The following CCSER1 variants were observed in gnomAD, a reference collection of about 807,000 sequenced individuals.
CCSER1 encodes the protein serine-rich coiled-coil domain-containing protein 1.
In CCSER1, 41 loss-of-function variants were observed where a neutral mutation model predicts 82.0. That is an observed-to-expected ratio of 0.50 (90% CI 0.39 to 0.65). CCSER1 has a LOEUF of 0.65. Among genes scored for constraint, CCSER1 ranks in the 30% least tolerant of loss-of-function variants. The probability of loss-of-function intolerance (pLI) is 0.00; values close to 1 mark genes in which losing one functional copy is unlikely to be tolerated. For missense variants in CCSER1, 1,119 were observed against 1,064.2 expected (o/e 1.05, Z -0.72); for synonymous variants, 414 against 383.9 (o/e 1.08, Z -0.92).
At chr4:90,297,611 T>A (rs1333027706) in intron 1 of CCSER1, among the ~76,000 whole-genome samples, 1 of 150,296 alleles carries the variant, frequency 6.7e-6, no homozygotes, top group African/African-American at 2.5e-5. Flanking sequence ...GCCCATTCAG[T>A]ATGATATTGG....
chr4:91,255,843 A>C (rs920516495), intron 10 of CCSER1, among the ~76,000 whole-genome samples: 3 of 152,172 alleles, frequency 2.0e-5, no homozygotes. Flanking sequence ...TATCTTCATA[A>C]ACTGAGGATG....
chr4:91,235,835 A>ATAT (rs1394601812), intron 10 of CCSER1, among the ~76,000 whole-genome samples: 1 of 152,210 alleles, frequency 6.6e-6, no homozygotes, highest in East Asian at 1.9e-4. Flanking sequence ...ATGATCAGAA[A>ATAT]TATTAGAAAA....
intron 6 of CCSER1, among the ~76,000 whole-genome samples, chr4:90,707,926 G>T (rs2149311037): frequency 6.6e-6 from 1 of 152,244 alleles, no homozygotes; most frequent in Admixed American, 6.5e-5. Context: ...TTTACAAGCT[G>T]CCAATATTAT....
At chr4:90,904,203 A>T (rs1725100925) in intron 8 of CCSER1, among the ~76,000 whole-genome samples, 1 of 152,138 alleles carries the variant, frequency 6.6e-6, no homozygotes, top group South Asian at 2.1e-4. Flanking sequence ...AATTTATCAA[A>T]AGACCATGGG....
At chr4:91,166,439 C>G (rs905964124) in intron 10 of CCSER1, among the ~76,000 whole-genome samples, 15 of 152,064 alleles carry the variant, frequency 9.9e-5, no homozygotes, top group Non-Finnish European at 1.9e-4. Flanking sequence ...TTGCTCTAAT[C>G]AAGAAGATAG....
At chr4:91,045,972 C>G (rs13107749) in intron 9 of CCSER1, among the ~76,000 whole-genome samples, 61,209 of 116,662 alleles carry the variant, frequency 0.52, 12,799 homozygotes, top group East Asian at 0.71. Context: ...GTTCTCTGGC[C>G]GGCAGGGGCA....
At chr4:91,362,215 T>C (rs1331463407) in intron 10 of CCSER1, among the ~76,000 whole-genome samples, 1 of 151,864 alleles carries the variant, frequency 6.6e-6, no homozygotes, top group Non-Finnish European at 1.5e-5. Context: ...TGTAGTTGTT[T>C]TCCAGAAACA....
intron 4 of CCSER1, among the ~76,000 whole-genome samples, chr4:90,431,800 C>T (rs746491184): frequency 3.3e-5 from 5 of 152,006 alleles, no homozygotes; most frequent in Non-Finnish European, 7.4e-5. Flanking sequence ...TTTAATAAAT[C>T]GGTAGTGAAT....
Position 91,090,901 on chromosome 4 carries a change from C to T in CCSER1, c.2217+4907C>T, listed in dbSNP as rs558851283. Among the ~76,000 whole-genome samples the T allele has an allele frequency of 3.9e-5, 6 of 152,246 alleles. No homozygotes were observed. The East Asian group carries it at 1.2e-3, about 29-fold the overall frequency. On this transcript the variant is annotated intron_variant, in intron 10 of 10. Transcript: ENST00000509176. ...TCAATGCCTGGAGATACGTACTCTC[C>T]TTTTCTCCATTTTGGGTCCAAGGGG...
chr4:90,308,108 A>G, intron 1 of CCSER1, 136 bp from the exon 2 acceptor site: 2 of 576,582 alleles, frequency 3.5e-6, no homozygotes, highest in Non-Finnish European at 5.5e-6. Flanking sequence ...TTTATTAGGT[A>G]TCAGATTTTT....
At chr4:91,040,543 G>A (rs181000189) in intron 9 of CCSER1, among the ~76,000 whole-genome samples, 1 of 152,124 alleles carries the variant, frequency 6.6e-6, no homozygotes, top group Non-Finnish European at 1.5e-5. Context: ...GAAGGAAAAG[G>A]CATCCTATGT....
intron 1 of CCSER1, among the ~76,000 whole-genome samples, chr4:90,291,713 TA>T (rs140507280): frequency 1.3e-5 from 2 of 151,928 alleles, no homozygotes; most frequent in African/African-American, 4.8e-5. Flanking sequence ...TAACTCCTTT[TA>T]AAAAAACTTT....
chr4:90,478,661 G>C (rs1373226703), intron 5 of CCSER1, among the ~76,000 whole-genome samples: 1 of 151,542 alleles, frequency 6.6e-6, no homozygotes, highest in East Asian at 1.9e-4. Context: ...GACAACAAAG[G>C]CACATGGAGA....
At chr4:90,868,149 T>C (rs1367927722) in intron 8 of CCSER1, among the ~76,000 whole-genome samples, 2 of 152,106 alleles carry the variant, frequency 1.3e-5, no homozygotes, top group African/African-American at 4.8e-5. Context: ...CACATCATGC[T>C]AAATAGTATA....
intron 10 of CCSER1, among the ~76,000 whole-genome samples, chr4:91,271,023 T>C (rs1231151656): frequency 6.6e-6 from 1 of 152,216 alleles, no homozygotes; most frequent in Middle Eastern, 3.2e-3. Flanking sequence ...TATTCTTAAA[T>C]ATGTCTTGCA....
intron 1 of CCSER1, among the ~76,000 whole-genome samples, chr4:90,280,945 A>T (rs897603193): frequency 6.6e-5 from 10 of 152,008 alleles, no homozygotes; most frequent in African/African-American, 2.4e-4. Context: ...TAATTCATAT[A>T]TAAAGTTATT....
intron 10 of CCSER1, among the ~76,000 whole-genome samples, chr4:91,159,683 T>C (rs931841184): frequency 5.3e-5 from 8 of 151,932 alleles, no homozygotes; most frequent in African/African-American, 1.9e-4. Context: ...GATAATTATT[T>C]TTAAAAATTA....
chr4:90,624,285 G>A (rs967992366), intron 5 of CCSER1, among the ~76,000 whole-genome samples: 2 of 152,086 alleles, frequency 1.3e-5, no homozygotes, highest in Non-Finnish European at 2.9e-5. Flanking sequence ...ACATGATCTT[G>A]TATTTTGATA....
intron 10 of CCSER1, among the ~76,000 whole-genome samples, chr4:91,365,078 T>G (rs1749517280): frequency 6.6e-6 from 1 of 152,166 alleles, no homozygotes; most frequent in South Asian, 2.1e-4. Context: ...AAGTATAGTG[T>G]TCGAGGCAAG....
Sources: allele counts gnomAD v4.1 joint callset (sites outside exome capture counted in the v4.1 genomes callset), GRCh38; gene constraint gnomAD v4.1.1; transcripts MANE v1.5; gene names NCBI Gene and HGNC (gene_info 2026-07-23, HGNC 2026-07-21).